Variants in RBFOX1 observed in about 807,000 individuals in gnomAD.
RBFOX1 encodes RNA binding fox-1 homolog 1.
RBFOX1 carries 8 observed loss-of-function variants against 57.7 expected under a neutral mutation model. The observed-to-expected ratio is 0.14, with a 90% CI of 0.08 to 0.25. The LOEUF (loss-of-function observed/expected upper bound fraction) is 0.25, where lower values mean the gene tolerates loss of function less well. Among genes scored for constraint, RBFOX1 ranks in the 10% least tolerant of loss-of-function variants. The pLI, the probability that RBFOX1 is intolerant of heterozygous loss-of-function variation, is 1.00. For synonymous variants in RBFOX1, 326 were observed against 222.4 expected (o/e 1.47, Z -4.15); for missense variants, 611 against 548.5 (o/e 1.11, Z -1.14).
downstream of RBFOX1, among the ~76,000 whole-genome samples, chr16:5,602,919 C>T (rs1310030116): frequency 1.3e-5 from 2 of 152,162 alleles, no homozygotes; most frequent in African/African-American, 2.4e-5. Flanking sequence ...ACGGCATATT[C>T]GTTCAAGTTT....
chr16:7,054,948 C>A (rs564579275), intron 4 of RBFOX1, among the ~76,000 whole-genome samples: 1 of 152,218 alleles, frequency 6.6e-6, no homozygotes, highest in East Asian at 1.9e-4. Flanking sequence ...TGTTTTGTGC[C>A]CCATCGAGGC....
At chr16:6,602,477 A>G (rs1049052773) in intron 2 of RBFOX1, among the ~76,000 whole-genome samples, 2 of 152,148 alleles carry the variant, frequency 1.3e-5, no homozygotes, top group African/African-American at 4.8e-5. Context: ...AGCTGGAAGG[A>G]GAGAGGATCA....
chr16:7,120,838 C>CACACAT (rs1555491044), intron 4 of RBFOX1, among the ~76,000 whole-genome samples: 23 of 141,614 alleles, frequency 1.6e-4, no homozygotes, highest in Non-Finnish European at 2.7e-4. Context: ...TATACACACA[C>CACACAT]ACACACACAC....
At chr16:5,856,197 A>C (rs1407659452) in intron 3 of RBFOX1, among the ~76,000 whole-genome samples, 3 of 62,588 alleles carry the variant, frequency 4.8e-5, no homozygotes, top group Non-Finnish European at 1.0e-4. Flanking sequence ...CTATATATAT[A>C]TATATATATA....
chr16:7,574,770 C>A (rs2093161525), intron 5 of RBFOX1, among the ~76,000 whole-genome samples: 1 of 152,114 alleles, frequency 6.6e-6, no homozygotes, highest in Non-Finnish European at 1.5e-5. Context: ...ATCCTTCAAT[C>A]CAATCAAGTT....
chr16:5,929,687 G>C (rs1214822197), intron 4 of RBFOX1, among the ~76,000 whole-genome samples: 1 of 152,166 alleles, frequency 6.6e-6, no homozygotes, highest in Non-Finnish European at 1.5e-5. Flanking sequence ...ATTGGTCTGA[G>C]TGATCATCCC....
At chr16:6,511,889 T>A (rs969096123) in intron 2 of RBFOX1, among the ~76,000 whole-genome samples, 6 of 152,158 alleles carry the variant, frequency 3.9e-5, no homozygotes, top group African/African-American at 1.4e-4. Flanking sequence ...CCTGTGCAGC[T>A]CTTTGTAGGA....
At chr16:5,305,593 C>G (rs1010283009) in intron 1 of RBFOX1, among the ~76,000 whole-genome samples, 10 of 152,022 alleles carry the variant, frequency 6.6e-5, no homozygotes, top group African/African-American at 2.4e-4. Flanking sequence ...TATTTCTTGC[C>G]CTTGCAAGAG....
chr16:5,913,703 A>T (rs2058650783), intron 4 of RBFOX1, among the ~76,000 whole-genome samples: 1 of 152,248 alleles, frequency 6.6e-6, no homozygotes, highest in Admixed American at 6.5e-5. Flanking sequence ...CAGGTGTATC[A>T]CCAGATCCTT....
intron 2 of RBFOX1, among the ~76,000 whole-genome samples, chr16:6,557,281 G>T (rs1224092549): frequency 6.6e-6 from 1 of 151,554 alleles, no homozygotes; most frequent in South Asian, 2.1e-4. Flanking sequence ...CATGAATTAA[G>T]ATTTAAAAGA....
chr16:7,470,885 G>T (rs906451864), intron 4 of RBFOX1, among the ~76,000 whole-genome samples: 3 of 151,650 alleles, frequency 2.0e-5, no homozygotes, highest in African/African-American at 7.3e-5. Context: ...CTCAGGGCGG[G>T]ATGGGGGAGT....
intron 4 of RBFOX1, among the ~76,000 whole-genome samples, chr16:5,932,784 C>T (rs899634716): frequency 6.6e-6 from 1 of 152,126 alleles, no homozygotes; most frequent in Non-Finnish European, 1.5e-5. Flanking sequence ...AATTCACATA[C>T]TCATTTCCCA....
At position 7,248,616 on chromosome 16, in the gene RBFOX1, C is replaced by T. The variant is rs142816375; in HGVS notation, c.27+196518C>T. Reference sequence around the variant, plus strand: ...GCATTTCTTCTTTATGGTGAGTGAACTTAGTTTTTGACCTTCCTTTTTATA... The same window carrying T: ...GCATTTCTTCTTTATGGTGAGTGAATTTAGTTTTTGACCTTCCTTTTTATA... On this transcript the variant is annotated intron_variant, in intron 4 of 15. Coordinates refer to ENST00000550418, the MANE Select transcript of RBFOX1 (RefSeq NM_018723.4). Among the ~76,000 whole-genome samples the T allele has an allele frequency of 2.0e-5, 3 of 152,224 alleles. No homozygotes were observed. The East Asian group carries it at 5.8e-4, about 29-fold the overall frequency.
At chr16:6,658,025 ATTG>A (rs2098672826) in intron 3 of RBFOX1, among the ~76,000 whole-genome samples, 1 of 151,976 alleles carries the variant, frequency 6.6e-6, no homozygotes, top group Admixed American at 6.6e-5. Flanking sequence ...AGCTATGTAT[ATTG>A]TTGAATATCT....
rs1406496305 is a variant in RBFOX1, at chr16:5,325,400, C to T, written c.219+85295C>T. Among the ~76,000 whole-genome samples, 3 of 152,274 alleles carry T rather than the reference C, an allele frequency of 2.0e-5. No homozygotes were observed. In the East Asian group the frequency reaches 5.8e-4, roughly 29 times the overall value. ...AGTTGTGTGAAAACTAAATTTAGTTCAATCCAGTAAATTTTCTACCACATT... is the reference window on the plus strand; with the variant it reads ...AGTTGTGTGAAAACTAAATTTAGTTTAATCCAGTAAATTTTCTACCACATT... On this transcript the variant is annotated intron_variant, in intron 1 of 2. Transcript: ENST00000585867.
intron 4 of RBFOX1, among the ~76,000 whole-genome samples, chr16:7,503,622 C>G (rs1467769562): frequency 6.6e-6 from 1 of 152,090 alleles, no homozygotes; most frequent in African/African-American, 2.4e-5. Flanking sequence ...ACTTTTCCCC[C>G]TTTAGAAAAA....
chr16:7,642,158 G>C (rs555486724), intron 11 of RBFOX1, among the ~76,000 whole-genome samples: 9 of 152,244 alleles, frequency 5.9e-5, no homozygotes, highest in Admixed American at 5.2e-4. Context: ...TATTAGTCCA[G>C]TGACTGGACT....
intron 3 of RBFOX1, among the ~76,000 whole-genome samples, chr16:6,931,921 A>C (rs1279296886): frequency 6.6e-6 from 1 of 152,176 alleles, no homozygotes; most frequent in African/African-American, 2.4e-5. Flanking sequence ...GGAGGCGAGG[A>C]GTAAGCAAGA....
intron 3 of RBFOX1, among the ~76,000 whole-genome samples, chr16:6,847,875 T>G (rs2141827978): frequency 6.6e-6 from 1 of 152,238 alleles, no homozygotes; most frequent in South Asian, 2.1e-4. Context: ...TCTTGGTCTG[T>G]CAGTCAGGCT....
Sources: allele counts gnomAD v4.1 joint callset (sites outside exome capture counted in the v4.1 genomes callset), GRCh38; gene constraint gnomAD v4.1.1; transcripts MANE v1.5; gene names NCBI Gene and HGNC (gene_info 2026-07-23, HGNC 2026-07-21).